The following ADAMTSL1 variants were observed in gnomAD, a reference collection of about 807,000 sequenced individuals.
The protein encoded by ADAMTSL1 is ADAMTS like 1.
In ADAMTSL1, 126 loss-of-function variants were observed where a neutral mutation model predicts 201.8. The ratio of observed to expected loss-of-function variants is 0.62; its 90% CI spans 0.54 to 0.72. The LOEUF is 0.72. Among genes scored for constraint, ADAMTSL1 ranks in the 30% least tolerant of loss-of-function variants. The probability of loss-of-function intolerance (pLI) is 0.00; values close to 1 mark genes in which losing one functional copy is unlikely to be tolerated. For missense variants in ADAMTSL1, 2,679 were observed against 2,277.8 expected (o/e 1.18, Z -3.59); for synonymous variants, 1,121 against 903.4 (o/e 1.24, Z -4.32).
chr9:18,103,577 C>T (rs1824627164), intron 1 of ADAMTSL1, among the ~76,000 whole-genome samples: 1 of 152,098 alleles, frequency 6.6e-6, no homozygotes. Context: ...GGATGATATG[C>T]TCTGCTTGAA....
intron 2 of ADAMTSL1, among the ~76,000 whole-genome samples, chr9:18,532,924 GAAGA>G (rs1181848269): frequency 6.6e-6 from 1 of 151,598 alleles, no homozygotes; most frequent in African/African-American, 2.4e-5. Context: ...TCAGAAATAA[GAAGA>G]AAGGATTAAT....
At chr9:18,565,005 G>A (rs1288441490) in intron 3 of ADAMTSL1, among the ~76,000 whole-genome samples, 2 of 151,994 alleles carry the variant, frequency 1.3e-5, no homozygotes, top group African/African-American at 4.8e-5. Context: ...GCTACCCAGA[G>A]GAAAAAAATG....
At chr9:18,120,516 C>A (rs577555172) in intron 1 of ADAMTSL1, among the ~76,000 whole-genome samples, 254 of 152,222 alleles carry the variant, frequency 1.7e-3, no homozygotes, top group African/African-American at 5.9e-3. Flanking sequence ...GGATTTGTAT[C>A]CCCTTTTTAT....
intron 2 of ADAMTSL1, among the ~76,000 whole-genome samples, chr9:18,447,393 G>A (rs754109426): frequency 4.6e-5 from 7 of 152,140 alleles, no homozygotes; most frequent in Non-Finnish European, 7.4e-5. Context: ...TTCAGTGCCG[G>A]TAGGACTGGC....
chr9:18,313,200 A>G (rs930246097), intron 2 of ADAMTSL1, among the ~76,000 whole-genome samples: 3 of 152,198 alleles, frequency 2.0e-5, no homozygotes, highest in African/African-American at 7.2e-5. Context: ...TTCTTAGGCA[A>G]TGCTGATACT....
intron 2 of ADAMTSL1, among the ~76,000 whole-genome samples, chr9:18,261,607 C>G (rs541035244): frequency 1.3e-5 from 2 of 152,272 alleles, no homozygotes; most frequent in South Asian, 2.1e-4. Flanking sequence ...AATATTCCAA[C>G]CTTTGACAGT....
intron 2 of ADAMTSL1, among the ~76,000 whole-genome samples, chr9:18,398,428 T>C (rs1316360921): frequency 1.3e-5 from 2 of 152,206 alleles, no homozygotes; most frequent in African/African-American, 4.8e-5. Context: ...TTTTTCACTC[T>C]GGATCATTAG....
intron 1 of ADAMTSL1, among the ~76,000 whole-genome samples, chr9:18,140,992 T>C (rs1163195430): frequency 6.6e-6 from 1 of 152,066 alleles, no homozygotes; most frequent in African/African-American, 2.4e-5. Flanking sequence ...GAAAAGAGAG[T>C]GAGCACCAGA....
intron 1 of ADAMTSL1, among the ~76,000 whole-genome samples, chr9:18,491,311 A>G (rs1822261264): frequency 6.6e-6 from 1 of 152,198 alleles, no homozygotes; most frequent in African/African-American, 2.4e-5. Flanking sequence ...TAATTCTAAC[A>G]CTGCCTGAGA....
intron 2 of ADAMTSL1, among the ~76,000 whole-genome samples, chr9:18,223,761 C>G (rs551184390): frequency 3.3e-5 from 5 of 151,932 alleles, no homozygotes; most frequent in Admixed American, 6.6e-5. Context: ...ATGGTTGTTG[C>G]TTCTTTTGTC....
chr9:18,817,786 A>T (rs1020027828), intron 21 of ADAMTSL1, among the ~76,000 whole-genome samples: 1 of 152,196 alleles, frequency 6.6e-6, no homozygotes, highest in Admixed American at 6.5e-5. Context: ...GGAGGCCTGA[A>T]CTCAGGGCAG....
chr9:17,968,957 A>G (rs946022825), intron 1 of ADAMTSL1, among the ~76,000 whole-genome samples: 1 of 152,034 alleles, frequency 6.6e-6, no homozygotes, highest in African/African-American at 2.4e-5. Context: ...GATATTTCCA[A>G]TGTGCTCGTC....
chr9:18,133,473 T>C (rs1182916116), intron 1 of ADAMTSL1, among the ~76,000 whole-genome samples: 2 of 152,308 alleles, frequency 1.3e-5, no homozygotes, highest in East Asian at 3.9e-4. Context: ...TTATCTCCCT[T>C]TAAAAAAATC....
chr9:18,264,018 T>A (rs1344692061), intron 2 of ADAMTSL1, among the ~76,000 whole-genome samples: 3 of 152,212 alleles, frequency 2.0e-5, no homozygotes, highest in African/African-American at 4.8e-5. Context: ...AATTAATCTA[T>A]CTATGCATTA....
intron 2 of ADAMTSL1, among the ~76,000 whole-genome samples, chr9:18,292,457 A>T (rs746178493): frequency 2.0e-5 from 3 of 152,126 alleles, no homozygotes; most frequent in Non-Finnish European, 4.4e-5. Flanking sequence ...GGATTGAAGG[A>T]TGTAAAGTAC....
chr9:18,584,044 C>G (rs972408860), intron 4 of ADAMTSL1, among the ~76,000 whole-genome samples: 4 of 152,014 alleles, frequency 2.6e-5, no homozygotes, highest in Non-Finnish European at 5.9e-5. Context: ...CTTTGGGGGA[C>G]TGTTGAGAAG....
At chr9:18,764,505 C>T (rs551343313) in intron 16 of ADAMTSL1, among the ~76,000 whole-genome samples, 2 of 152,164 alleles carry the variant, frequency 1.3e-5, no homozygotes, top group Non-Finnish European at 2.9e-5. Flanking sequence ...TGTCTTACTG[C>T]TCTAGCCAGG....
At chr9:18,312,893 C>A (rs1834209992) in intron 2 of ADAMTSL1, among the ~76,000 whole-genome samples, 1 of 152,176 alleles carries the variant, frequency 6.6e-6, no homozygotes, top group South Asian at 2.1e-4. Flanking sequence ...TGGCCACCAG[C>A]CAGTAACGCA....
intron 10 of ADAMTSL1, among the ~76,000 whole-genome samples, chr9:18,680,044 C>T (rs757511892): frequency 1.1e-4 from 17 of 152,272 alleles, no homozygotes; most frequent in Middle Eastern, 3.4e-3. Flanking sequence ...AGGTTACAGA[C>T]GGCACACATA....
Sources: allele counts gnomAD v4.1 joint callset (sites outside exome capture counted in the v4.1 genomes callset), GRCh38; gene constraint gnomAD v4.1.1; transcripts MANE v1.5; gene names NCBI Gene and HGNC (gene_info 2026-07-23, HGNC 2026-07-21).